Variants in PSMA7 observed in about 807,000 individuals in gnomAD.
PSMA7 encodes the protein proteasome 20S subunit alpha 7.
PSMA7 carries 5 observed loss-of-function variants against 31.3 expected under a neutral mutation model. The observed-to-expected ratio is 0.16, with a 90% confidence interval of 0.08 to 0.34. The LOEUF (loss-of-function observed/expected upper bound fraction) is 0.34, where lower values mean the gene tolerates loss of function less well. Ranked by LOEUF, PSMA7 falls within the 10% of genes least tolerant of loss-of-function variation. The probability of loss-of-function intolerance (pLI) is 1.00; values close to 1 mark genes in which losing one functional copy is unlikely to be tolerated. For missense variants in PSMA7, 217 were observed against 327.5 expected (o/e 0.66, Z 2.60); for synonymous variants, 155 against 121.9 (o/e 1.27, Z -1.79).
rs748050331 is a variant in PSMA7, at chr20:62,143,345, A to G, written c.-42T>C. 1.6e-6 allele frequency: 2 copies of G among 1,285,186 alleles called. No individual in the cohort carries two copies. Among genetic ancestry groups the G allele is most frequent in the East Asian group, 7.2e-5 (2 of 27,642 alleles). 79.6% of individuals were successfully genotyped at this position (1,285,186 alleles called of 1,614,324 possible). A position where few individuals can be genotyped will look rare whatever the true frequency, so the allele number is the denominator to read the frequency against. Reference sequence around the variant, plus strand: ...CGGGCTCCTTCCGCCGCGACTCTCAAAAGCGCACACTCACGGCCCGCGCGC... The same window carrying G: ...CGGGCTCCTTCCGCCGCGACTCTCAGAAGCGCACACTCACGGCCCGCGCGC... On this transcript the variant is annotated 5_prime_UTR_variant, in exon 1 of 7. Transcript: ENST00000370873.
intron 3 of PSMA7, chr20:62,139,526 G>T: frequency 1.4e-6 from 1 of 721,344 alleles, no homozygotes; most frequent in Non-Finnish European, 2.3e-6. Context: ...GGTCACTCAG[G>T]ATGGCAAGAC....
chr20:62,136,835 A>T lies in PSMA7; in HGVS notation c.*22T>A. 1.9e-6 allele frequency: 3 copies of T among 1,584,022 alleles called. No individual in the cohort carries two copies. The highest frequency in any genetic ancestry group is 2.6e-6 in the Non-Finnish European group (3 of 1,170,762). On this transcript the variant is annotated 3_prime_UTR_variant, in exon 7 of 7. Transcript: ENST00000370873. ...CATGATTGATATGAATTTAAAAATT[A>T]CAAGCAAAGACATTTTATTCATCAT...
intron 1 of PSMA7, among the ~76,000 whole-genome samples, chr20:62,142,845 G>A (rs1304886045): frequency 1.3e-5 from 2 of 151,650 alleles, no homozygotes; most frequent in African/African-American, 4.8e-5. Context: ...GCCCAGAGCG[G>A]CCCTCGCCCG....
intron 5 of PSMA7, 76 bp downstream of exon 5, chr20:62,138,095 C>T (rs2056905817): frequency 6.3e-7 from 1 of 1,597,558 alleles, no homozygotes; most frequent in Non-Finnish European, 8.6e-7. Flanking sequence ...ACCTTCCTTC[C>T]TGCTCATCTA....
intron 5 of PSMA7, 25 bp downstream of exon 5, chr20:62,138,146 G>A: frequency 6.2e-7 from 1 of 1,613,986 alleles, no homozygotes; most frequent in Non-Finnish European, 8.5e-7. Context: ...TCACCACCTT[G>A]CCTGGATTCC....
chr20:62,140,292 T>G (rs769014619), intron 2 of PSMA7, among the ~76,000 whole-genome samples: 17 of 152,234 alleles, frequency 1.1e-4, no homozygotes, highest in Non-Finnish European at 2.5e-4. Flanking sequence ...TTAAATACAG[T>G]ACCTGAGTCC....
chr20:62,140,789 G>A lies in PSMA7; in HGVS notation c.223+29C>T, dbSNP rs557990442. On this transcript the variant is annotated intron_variant, in intron 2 of 6. Coordinates refer to ENST00000370873, the MANE Select transcript of PSMA7 (RefSeq NM_002792.4). ...CTATTCTTCGCTGAGACTCTAGAGA[G>A]TAAGACAGCGCTCCCCACCGACTCA... 13 of 1,613,142 alleles carry A rather than the reference G, an allele frequency of 8.1e-6. 2 individuals are homozygous for A. The South Asian group carries it at 1.1e-4, about 14-fold the overall frequency.
chr20:62,137,304 T>G (rs746668770), intron 6 of PSMA7, 60 bp downstream of exon 6: 339 of 1,543,198 alleles, frequency 2.2e-4, no homozygotes, highest in Middle Eastern at 1.0e-3. Flanking sequence ...CTGGTACTGC[T>G]CAGCCCTGAT....
chr20:62,138,530 C>T (rs1291254856), intron 4 of PSMA7, among the ~76,000 whole-genome samples: 1 of 150,532 alleles, frequency 6.6e-6, no homozygotes, highest in East Asian at 2.0e-4. Flanking sequence ...TTTTACTGCG[C>T]TATCAAGAGG....
intron 2 of PSMA7, 128 bp downstream of exon 2, chr20:62,140,690 C>T: frequency 1.6e-6 from 2 of 1,236,900 alleles, no homozygotes; most frequent in Non-Finnish European, 1.1e-6. Context: ...AAATCCAATT[C>T]TTTTAAATGA....
chr20:62,142,223 T>TC (rs888686956), intron 1 of PSMA7, among the ~76,000 whole-genome samples: 81 of 152,206 alleles, frequency 5.3e-4, no homozygotes, highest in African/African-American at 1.9e-3. Context: ...AGAGAAGCTA[T>TC]ATGGGTTCGT....
In PSMA7 at chr20:62,143,362, C is replaced by A; in HGVS notation, c.-59G>T. On this transcript the variant is annotated 5_prime_UTR_variant, in exon 1 of 7. Coordinates refer to ENST00000370873, the MANE Select transcript of PSMA7 (RefSeq NM_002792.4). Reference sequence around the variant, plus strand: ...GACTCTCAAAAGCGCACACTCACGGCCCGCGCGCACCCGCGACTCCCGGCG... The same window carrying A: ...GACTCTCAAAAGCGCACACTCACGGACCGCGCGCACCCGCGACTCCCGGCG... 1 of 1,027,566 alleles carries A rather than the reference C, an allele frequency of 9.7e-7. No homozygotes were observed. Among genetic ancestry groups the A allele is most frequent in the Non-Finnish European group, 1.2e-6 (1 of 800,170 alleles). 63.7% of individuals were successfully genotyped at this position (1,027,566 alleles called of 1,614,324 possible).
chr20:62,142,674 G>A (rs1052559937), intron 1 of PSMA7: 4 of 152,342 alleles, frequency 2.6e-5, no homozygotes, highest in Non-Finnish European at 5.9e-5. Flanking sequence ...CCAGGCCAGC[G>A]AGCCGCTTTG....
intron 1 of PSMA7, among the ~76,000 whole-genome samples, chr20:62,141,985 C>A (rs2056931363): frequency 6.6e-6 from 1 of 152,244 alleles, no homozygotes; most frequent in East Asian, 1.9e-4. Context: ...CCTGTGCCTG[C>A]CGCCCTGAGC....
At chr20:62,138,644 T>C (rs1322581329) in intron 4 of PSMA7, among the ~76,000 whole-genome samples, 3 of 146,676 alleles carry the variant, frequency 2.0e-5, no homozygotes, top group African/African-American at 7.6e-5. Context: ...AACCTATGCC[T>C]CTCGGGTTCA....
intron 3 of PSMA7, 173 bp downstream of exon 3, chr20:62,139,608 T>G: frequency 9.8e-7 from 1 of 1,022,370 alleles, no homozygotes; most frequent in Non-Finnish European, 1.5e-6. Context: ...CAGAACAATG[T>G]TACTGAAATT....
chr20:62,138,186 G>A lies in PSMA7; in HGVS notation c.576C>T (p.Ile192=). 6.2e-7 allele frequency: 1 copy of A among 1,614,168 alleles called. No individual in the cohort carries two copies. The change falls in exon 5 of 7, where the codon ATC becomes ATT. Residue 192 remains isoleucine, a synonymous_variant. Transcript: ENST00000370873. ...ETDDLTIKLV[I]KALLEVVQSG... ...GCAAACTTACTTCCAGGAGTGCCTT[G>A]ATCACCAGCTTAATGGTCAGATCAT...
chr20:62,139,940 A>G, intron 2 of PSMA7, 35 bp from the exon 3 acceptor site: 2 of 1,605,800 alleles, frequency 1.2e-6, no homozygotes, highest in Non-Finnish European at 1.7e-6. Context: ...TGCTAGAGAG[A>G]CAGCACAAAC....
chr20:62,143,281 G>A lies in PSMA7; in HGVS notation c.23C>T (p.Thr8Ile). The change falls in exon 1 of 7, where the codon ACC (threonine) becomes ATC (isoleucine). Residue 8 changes from threonine to isoleucine, a missense_variant. Physicochemically the swap from Thr to Ile is moderately conservative, Grantham distance 89. This residue lies in a region of PSMA7 where 76 missense variants were observed against 96.5 expected (regional missense o/e 0.79). Transcript: ENST00000370873. MSYDRAI[T>I]VFSPDGHLFQ... ...GAGGTGGCCGTCGGGCGAGAAGACGGTGATGGCGCGGTCGTAGCTCATGCC... is the reference window on the plus strand; with the variant it reads ...GAGGTGGCCGTCGGGCGAGAAGACGATGATGGCGCGGTCGTAGCTCATGCC... The A allele has an allele frequency of 6.8e-7, 1 of 1,473,320 alleles. No homozygotes were observed. Among genetic ancestry groups the A allele is most frequent in the Non-Finnish European group, 9.1e-7 (1 of 1,104,036 alleles). 91.3% of individuals were successfully genotyped at this position (1,473,320 alleles called of 1,614,324 possible).
Sources: allele counts gnomAD v4.1 joint callset (sites outside exome capture counted in the v4.1 genomes callset), GRCh38; gene constraint gnomAD v4.1.1; regional missense constraint gnomAD v4.1.1; transcripts MANE v1.5; gene names NCBI Gene and HGNC (gene_info 2026-07-23, HGNC 2026-07-21).